The following BPIFC variants were observed in gnomAD, a reference collection of about 807,000 sequenced individuals.
BPIFC encodes the protein BPI fold-containing family C protein.
In BPIFC, 60 loss-of-function variants were observed where a neutral mutation model predicts 57.6. That is an observed-to-expected ratio of 1.04 (90% CI 0.85 to 1.29). BPIFC has a LOEUF of 1.29. BPIFC is among the 50% of genes most tolerant of loss of function. The pLI is 0.00. For missense variants in BPIFC, 581 were observed against 600.5 expected (o/e 0.97, Z 0.34); for synonymous variants, 243 against 224.5 (o/e 1.08, Z -0.74).
At chr22:32,429,064 GGATGCAAAGCTATTTTCCTCTTCCA>G (rs940199230) in intron 13 of BPIFC, among the ~76,000 whole-genome samples, 5 of 151,780 alleles carry the variant, frequency 3.3e-5, no homozygotes, top group South Asian at 2.1e-4. Context: ...TTCCTCTTCC[GGATGCAAAGCTATTTTCCTCTTCCA>G]GATGCAAAGC....
At chr22:32,416,135 A>T in intron 15 of BPIFC, 144 bp from the exon 16 acceptor site, 1 of 530,082 alleles carries the variant, frequency 1.9e-6, no homozygotes. Flanking sequence ...GCTGGAATGT[A>T]ATGGTGTGAT....
intron 13 of BPIFC, among the ~76,000 whole-genome samples, chr22:32,426,368 C>T (rs12169744): frequency 6.6e-6 from 1 of 152,136 alleles, no homozygotes; most frequent in Non-Finnish European, 1.5e-5. Context: ...GGAGGCAGGG[C>T]TAGGGATCCT....
chr22:32,424,648 T>TCC lies in BPIFC; in HGVS notation c.1218-5245_1218-5244insGG, dbSNP rs1933967081. Among the ~76,000 whole-genome samples, 2 of 44,190 alleles carry TCC rather than the reference T, an allele frequency of 4.5e-5. 1 individual carries two copies. The highest frequency in any genetic ancestry group is 7.6e-5 in the Non-Finnish European group (2 of 26,250). 29.0% of individuals were successfully genotyped at this position (44,190 alleles called of 152,430 possible). A position where few individuals can be genotyped will look rare whatever the true frequency, so the allele number is the denominator to read the frequency against. The stretch of plus-strand genomic sequence containing the variant: ...TCCTCCTCTTCTTCTTCTTCTCTTC[T>TCC]TCTTCTTCTTCTTCTTCTTCTTCTT... On this transcript the variant is annotated intron_variant, in intron 13 of 16. Coordinates refer to ENST00000300399, the MANE Select transcript of BPIFC (RefSeq NM_174932.3).
At chr22:32,416,078 GC>G in intron 15 of BPIFC, 87 bp from the exon 16 acceptor site, 19 of 593,738 alleles carry the variant, frequency 3.2e-5, no homozygotes, top group South Asian at 1.9e-4. Context: ...CTGACAGCTT[GC>G]TTTTTTTTTT....
chr22:32,453,577 A>G, intron 3 of BPIFC, 74 bp from the exon 4 acceptor site: 1 of 1,461,734 alleles, frequency 6.8e-7, no homozygotes, highest in Non-Finnish European at 9.0e-7. Context: ...AACCACACAA[A>G]TACAATTTAT....
chr22:32,458,494 A>T (rs1405576383), intron 2 of BPIFC, among the ~76,000 whole-genome samples: 1 of 152,192 alleles, frequency 6.6e-6, no homozygotes. Context: ...CATCTAGTGT[A>T]GTATCCAGTT....
intron 14 of BPIFC, 75 bp downstream of exon 14, chr22:32,419,287 T>C (rs1569446448): frequency 2.8e-6 from 4 of 1,449,946 alleles, no homozygotes; most frequent in East Asian, 4.6e-5. Context: ...AGAAAACAAT[T>C]AATTCGCTAT....
chr22:32,449,481 G>C (rs777263499), intron 4 of BPIFC, among the ~76,000 whole-genome samples: 1 of 152,074 alleles, frequency 6.6e-6, no homozygotes, highest in African/African-American at 2.4e-5. Context: ...TCTCTGTCAC[G>C]CATCCTGAGT....
At chr22:32,450,447 C>T (rs146706567) in intron 4 of BPIFC, among the ~76,000 whole-genome samples, 316 of 152,106 alleles carry the variant, frequency 2.1e-3, no homozygotes, top group African/African-American at 6.7e-3. Flanking sequence ...TTAAGCAATG[C>T]ATGACAGTAA....
intron 4 of BPIFC, among the ~76,000 whole-genome samples, chr22:32,451,208 AT>A (rs1934887182): frequency 2.0e-5 from 3 of 152,100 alleles, no homozygotes; most frequent in Admixed American, 2.0e-4. Flanking sequence ...TGAACTCATC[AT>A]TTTTTATGGC....
intron 8 of BPIFC, among the ~76,000 whole-genome samples, chr22:32,439,622 CTT>C (rs35796411): frequency 2.7e-5 from 4 of 150,242 alleles, no homozygotes; most frequent in African/African-American, 7.3e-5. Context: ...TTATTTTTCA[CTT>C]TTTTTTTTGA....
intron 2 of BPIFC, among the ~76,000 whole-genome samples, chr22:32,459,880 G>A (rs1303082374): frequency 7.0e-6 from 1 of 141,980 alleles, no homozygotes; most frequent in African/African-American, 2.7e-5. Context: ...TAAAAAAAGA[G>A]GAAACTGTGA....
intron 13 of BPIFC, among the ~76,000 whole-genome samples, chr22:32,427,360 C>T (rs1206947039): frequency 1.3e-5 from 2 of 152,116 alleles, no homozygotes; most frequent in Non-Finnish European, 2.9e-5. Flanking sequence ...TTGCCACAAC[C>T]CTGAAGTTGA....
intron 16 of BPIFC, 123 bp downstream of exon 16, chr22:32,415,792 G>A (rs1933656318): frequency 3.3e-6 from 2 of 606,650 alleles, no homozygotes; most frequent in East Asian, 6.7e-5. Flanking sequence ...AGATTCCCTG[G>A]TCTGGGAAAA....
intron 8 of BPIFC, among the ~76,000 whole-genome samples, chr22:32,440,696 C>T (rs1255834049): frequency 1.3e-5 from 2 of 152,146 alleles, no homozygotes; most frequent in East Asian, 1.9e-4. Context: ...GGGTTTTACC[C>T]ACCAAAGTCA....
At chr22:32,446,704 C>T (rs981953558) in intron 5 of BPIFC, 23 of 970,460 alleles carry the variant, frequency 2.4e-5, no homozygotes, top group Non-Finnish European at 2.6e-5. Context: ...CAGTGATTTA[C>T]ACATTGCAAC....
intron 3 of BPIFC, among the ~76,000 whole-genome samples, chr22:32,453,773 T>TAAA (rs1466444637): frequency 6.6e-6 from 1 of 152,138 alleles, no homozygotes; most frequent in Non-Finnish European, 1.5e-5. Flanking sequence ...CAGAACAGTG[T>TAAA]GAGAAGAAAA....
chr22:32,451,273 T>C (rs1015956089), intron 4 of BPIFC, among the ~76,000 whole-genome samples: 2 of 152,244 alleles, frequency 1.3e-5, no homozygotes, highest in Admixed American at 6.5e-5. Flanking sequence ...CAGTCTATCA[T>C]AGTTGGACAT....
At chr22:32,461,862 A>G (rs946865116) in intron 1 of BPIFC, among the ~76,000 whole-genome samples, 1 of 152,240 alleles carries the variant, frequency 6.6e-6, no homozygotes, top group African/African-American at 2.4e-5. Flanking sequence ...CAGGCATTAG[A>G]GAGATTTTTG....
Sources: allele counts gnomAD v4.1 joint callset (sites outside exome capture counted in the v4.1 genomes callset), GRCh38; gene constraint gnomAD v4.1.1; transcripts MANE v1.5; gene names NCBI Gene and HGNC (gene_info 2026-07-23, HGNC 2026-07-21).